The following GPATCH8 variants were observed in gnomAD, a reference collection of about 807,000 sequenced individuals.
GPATCH8 encodes G patch domain-containing protein 8.
GPATCH8 carries 18 observed loss-of-function variants against 118.3 expected under a neutral mutation model. The observed-to-expected ratio is 0.15, with a 90% CI of 0.11 to 0.23. The LOEUF (loss-of-function observed/expected upper bound fraction) is 0.23, where lower values mean the gene tolerates loss of function less well. Among genes scored for constraint, GPATCH8 ranks in the 10% least tolerant of loss-of-function variants. GPATCH8 has a pLI of 1.00. For missense variants in GPATCH8, 1,631 were observed against 1,873.8 expected, an observed-to-expected ratio of 0.87 and a Z score of 2.39; for synonymous variants, 659 against 684.7, an observed-to-expected ratio of 0.96 and a Z score of 0.59.
chr17:44,405,782 G>A, intron 7 of GPATCH8, 139 bp downstream of exon 7: 1 of 634,022 alleles, frequency 1.6e-6, no homozygotes, highest in Non-Finnish European at 2.7e-6. Context: ...GGGATTATAG[G>A]GGTGAGCCAC....
chr17:44,423,742 C>G (rs12950655), intron 6 of GPATCH8, among the ~76,000 whole-genome samples: 2,777 of 152,146 alleles, frequency 0.018, 89 homozygotes, highest in African/African-American at 0.064. Flanking sequence ...GTACAATTTT[C>G]TCCTCTAAAA....
intron 2 of GPATCH8, among the ~76,000 whole-genome samples, chr17:44,468,042 C>G (rs1342597302): frequency 6.7e-6 from 1 of 150,042 alleles, no homozygotes; most frequent in Non-Finnish European, 1.5e-5. Context: ...CACTCTGTAG[C>G]TCAGGCTGGA....
At chr17:44,473,013 A>G (rs146306967) in intron 2 of GPATCH8, among the ~76,000 whole-genome samples, 46 of 151,872 alleles carry the variant, frequency 3.0e-4, no homozygotes, top group African/African-American at 1.1e-3. Context: ...AGTTTTGTAA[A>G]TTGAAATGGA....
At chr17:44,430,519 A>G (rs2050267917) in intron 5 of GPATCH8, among the ~76,000 whole-genome samples, 1 of 152,154 alleles carries the variant, frequency 6.6e-6, no homozygotes, top group South Asian at 2.1e-4. Context: ...CAAAGCAGGA[A>G]TTTCTAGAAA....
intron 2 of GPATCH8, among the ~76,000 whole-genome samples, chr17:44,470,874 T>A (rs114945774): frequency 1.4e-3 from 218 of 152,320 alleles, no homozygotes; most frequent in African/African-American, 5.2e-3. Context: ...AATTAATTCT[T>A]CTGTGATTGA....
At chr17:44,413,509 T>A (rs1301945777) in intron 6 of GPATCH8, among the ~76,000 whole-genome samples, 4 of 151,844 alleles carry the variant, frequency 2.6e-5, no homozygotes, top group Admixed American at 1.3e-4. Context: ...TGAGACAGAG[T>A]CTCACTCTGT....
At chr17:44,485,338 C>A (rs1275684037) in intron 1 of GPATCH8, among the ~76,000 whole-genome samples, 1 of 152,026 alleles carries the variant, frequency 6.6e-6, no homozygotes, top group Non-Finnish European at 1.5e-5. Context: ...GGTTTCAAAC[C>A]CCTGGTCTCA....
chr17:44,455,118 G>A (rs115829579), intron 3 of GPATCH8, among the ~76,000 whole-genome samples: 1,857 of 152,238 alleles, frequency 0.012, 33 homozygotes, highest in African/African-American at 0.037. Context: ...TCCTAAGAAG[G>A]GAAAAGGTAT....
chr17:44,495,750 A>C (rs1969621727), intron 1 of GPATCH8, among the ~76,000 whole-genome samples: 2 of 152,188 alleles, frequency 1.3e-5, no homozygotes, highest in Non-Finnish European at 2.9e-5. Flanking sequence ...ATTTTCAACC[A>C]CTTTTGCCCT....
In GPATCH8 at chr17:44,400,483, G is replaced by A. The variant is rs754843050; in HGVS notation, c.1594C>T (p.His532Tyr). The A allele has an allele frequency of 1.9e-6, 3 of 1,614,150 alleles. No individual in the cohort carries two copies. The highest frequency in any genetic ancestry group is 1.1e-5 in the South Asian group (1 of 91,084). ...AGKESQEGPKHPTGPFFPVLS... is the reference protein window; with the variant it reads ...AGKESQEGPKYPTGPFFPVLS... ...ACTGGGAAGAAGGGACCAGTAGGAT[G>A]TTTGGGTCCTTCTTGGCTTTCTTTC... The change falls in exon 8 of 8, where the codon CAT (histidine) becomes TAT (tyrosine). Residue 532 changes from histidine (H) to tyrosine (Y), a missense_variant. Physicochemically the swap from His to Tyr is moderately conservative, Grantham distance 83 (BLOSUM62 2). This residue lies in a region of GPATCH8 where 405 missense variants were observed against 462.7 expected (regional missense o/e 0.88). Transcript: ENST00000591680.
chr17:44,400,918 C>T lies in GPATCH8; in HGVS notation c.1159G>A (p.Gly387Arg). Residue 387 changes from glycine to arginine, a missense_variant, in exon 8 of 8, where the codon GGG becomes AGG. Around this residue, in one of 8 missense-constraint regions of GPATCH8, gnomAD observed 405 missense variants for 462.7 expected, o/e 0.88. Coordinates refer to ENST00000591680, the MANE Select transcript of GPATCH8 (RefSeq NM_001002909.4). Reference sequence around the variant, plus strand: ...TGGTAATACTCAGGCTCTGTAGCCCCAGCTCCTTCTTCTCGTTTCATCCTT... The same window carrying T: ...TGGTAATACTCAGGCTCTGTAGCCCTAGCTCCTTCTTCTCGTTTCATCCTT... ...LKRMKREEGA[G>R]ATEPEYYHYI... The T allele has an allele frequency of 1.2e-6, 2 of 1,614,124 alleles. No individual in the cohort carries two copies. Among genetic ancestry groups the T allele is most frequent in the Non-Finnish European group, 1.7e-6 (2 of 1,180,022 alleles).
At chr17:44,429,001 C>T (rs572326682) in intron 5 of GPATCH8, among the ~76,000 whole-genome samples, 44 of 151,306 alleles carry the variant, frequency 2.9e-4, no homozygotes, top group African/African-American at 1.1e-3. Context: ...ATTAGCCGGG[C>T]GTGGTGGCAG....
At chr17:44,502,338 G>A (rs1189227157) in intron 1 of GPATCH8, among the ~76,000 whole-genome samples, 8 of 146,084 alleles carry the variant, frequency 5.5e-5, no homozygotes, top group Non-Finnish European at 1.2e-4. Context: ...CAGTTGCCAG[G>A]ATATGCGGTA....
At chr17:44,408,174 C>T (rs771191836) in intron 6 of GPATCH8, among the ~76,000 whole-genome samples, 1 of 151,932 alleles carries the variant, frequency 6.6e-6, no homozygotes, top group Non-Finnish European at 1.5e-5. Flanking sequence ...ATGTTCTTCT[C>T]ACATCTGCCA....
At chr17:44,477,071 T>C (rs1278474247) in intron 1 of GPATCH8, among the ~76,000 whole-genome samples, 1 of 152,244 alleles carries the variant, frequency 6.6e-6, no homozygotes, top group Non-Finnish European at 1.5e-5. Context: ...TGGAAAGATA[T>C]GATAACTTGA....
Position 44,400,153 on chromosome 17 carries a change from G to C in GPATCH8, c.1924C>G (p.Leu642Val), listed in dbSNP as rs2048960542. ...APASGSACSG[L>V]NKQEPGGSHG... Reference sequence around the variant, plus strand: ...CTACCCCCAGGCTCCTGCTTGTTCAGGCCGCTACAGGCAGACCCTGAAGCA... The same window carrying C: ...CTACCCCCAGGCTCCTGCTTGTTCACGCCGCTACAGGCAGACCCTGAAGCA... The change falls in exon 8 of 8, where the codon CTG (leucine) becomes GTG (valine). Residue 642 changes from leucine (L) to valine (V), a missense_variant. Leu to Val is a conservative substitution (Grantham distance 32). Coordinates refer to ENST00000591680, the MANE Select transcript of GPATCH8 (RefSeq NM_001002909.4). The C allele has an allele frequency of 4.3e-6, 7 of 1,613,966 alleles. No individual in the cohort carries two copies. In the East Asian group the frequency reaches 6.7e-5, roughly 15 times the overall value.
At position 44,452,985 on chromosome 17, in the gene GPATCH8, G is replaced by A. The variant is rs190410024; in HGVS notation, c.193+11487C>T. Among the ~76,000 whole-genome samples, 24 of 152,060 alleles carry A rather than the reference G, an allele frequency of 1.6e-4. 1 individual carries two copies. The East Asian group carries it at 3.1e-3, about 20-fold the overall frequency. ...TGGGACTACAGGCACATGCCATCAC[G>A]CCCAGCTAATTTTTTCTTTGCATTT... On this transcript the variant is annotated intron_variant, in intron 3 of 7. Coordinates refer to ENST00000591680, the MANE Select transcript of GPATCH8 (RefSeq NM_001002909.4).
Position 44,400,980 on chromosome 17 carries a change from T to C in GPATCH8, c.1097A>G (p.Asp366Gly). Residue 366 changes from aspartate to glycine, a missense_variant, in exon 8 of 8, where the codon GAT (aspartate) becomes GGT (glycine). Coordinates refer to ENST00000591680, the MANE Select transcript of GPATCH8 (RefSeq NM_001002909.4). Reference protein sequence around the residue: ...DGKKEDEDPQDGGSLASTLSK... With the variant: ...DGKKEDEDPQGGGSLASTLSK... ...TAATGTTGAGGCAAGGGACCCTCCA[T>C]CCTGAGGGTCTTCATCCTCTTTTTT... 2 of 1,611,928 alleles carry C rather than the reference T, an allele frequency of 1.2e-6. No individual in the cohort carries two copies. The highest frequency in any genetic ancestry group is 1.7e-6 in the Non-Finnish European group (2 of 1,177,954).
chr17:44,482,292 G>C (rs183932493), intron 1 of GPATCH8, among the ~76,000 whole-genome samples: 1 of 152,058 alleles, frequency 6.6e-6, no homozygotes, highest in Admixed American at 6.6e-5. Context: ...ACCTAGACGA[G>C]GCTGGGCGCA....
Sources: gnomAD v4.1 joint callset for allele counts (sites outside exome capture counted in the v4.1 genomes callset) on GRCh38, gnomAD v4.1.1 for gene constraint, gnomAD v4.1.1 regional missense constraint, MANE v1.5 for transcripts, NCBI Gene and HGNC (gene_info 2026-07-23, HGNC 2026-07-21) for gene names.